Variants in ANKS1B observed in about 807,000 individuals in gnomAD.
The protein encoded by ANKS1B is ankyrin repeat and sterile alpha motif domain containing 1B, also known as ankyrin repeat and sterile alpha motif domain-containing protein 1B.
In ANKS1B, 36 loss-of-function variants were observed where a neutral mutation model predicts 148.3. That is an observed-to-expected ratio of 0.24 (90% confidence interval 0.19 to 0.32). ANKS1B has a LOEUF of 0.32. ANKS1B is among the 10% of genes least tolerant of loss of function. The pLI, the probability that ANKS1B is intolerant of heterozygous loss-of-function variation, is 1.00. For missense variants in ANKS1B, 1,157 were observed against 1,542.6 expected, an observed-to-expected ratio of 0.75 and a Z score of 4.19; for synonymous variants, 542 against 560.8, an observed-to-expected ratio of 0.97 and a Z score of 0.47.
At chr12:99,704,902 T>A (rs1323278569) in intron 8 of ANKS1B, among the ~76,000 whole-genome samples, 1 of 152,032 alleles carries the variant, frequency 6.6e-6, no homozygotes, top group Non-Finnish European at 1.5e-5. Flanking sequence ...GAAATATATT[T>A]GTAAAGGCAT....
chr12:99,118,057 T>G (rs935839573), intron 15 of ANKS1B, among the ~76,000 whole-genome samples: 4 of 152,200 alleles, frequency 2.6e-5, no homozygotes, highest in African/African-American at 9.7e-5. Context: ...CCTTTATCAT[T>G]TATTTAAATA....
At chr12:99,415,466 T>C (rs2094866623) in intron 11 of ANKS1B, among the ~76,000 whole-genome samples, 1 of 152,222 alleles carries the variant, frequency 6.6e-6, no homozygotes, top group Non-Finnish European at 1.5e-5. Context: ...AAGACATTTT[T>C]ACAAATAAAG....
At chr12:99,444,743 G>A (rs2095609677) in intron 10 of ANKS1B, among the ~76,000 whole-genome samples, 1 of 151,910 alleles carries the variant, frequency 6.6e-6, no homozygotes, top group South Asian at 2.1e-4. Flanking sequence ...TTACTTCTCT[G>A]TTGTTTTTAA....
rs145669898 is a variant in ANKS1B, at chr12:99,219,205, C to A, written c.2419+25137G>T. Among the ~76,000 whole-genome samples, 627 of 152,270 alleles carry A rather than the reference C, an allele frequency of 4.1e-3. 4 individuals carry two copies. Among genetic ancestry groups the A allele is most frequent in the African/African-American group, 0.015 (607 of 41,550 alleles). On this transcript the variant is annotated intron_variant, in intron 14 of 26. Coordinates refer to ENST00000683438, the MANE Select transcript of ANKS1B (RefSeq NM_001352186.2). ...TTTCTTCCTGACTATTGGCTCCTAA[C>A]CTCCCTTTTCTTAGAGCATTTACTT...
At chr12:99,498,435 G>T (rs930847000) in intron 10 of ANKS1B, among the ~76,000 whole-genome samples, 17 of 152,078 alleles carry the variant, frequency 1.1e-4, no homozygotes, top group African/African-American at 3.4e-4. Flanking sequence ...ACTGCCCCTT[G>T]CCTGGAGTGC....
chr12:98,906,543 T>A (rs1053934905), intron 17 of ANKS1B, among the ~76,000 whole-genome samples: 2 of 152,184 alleles, frequency 1.3e-5, no homozygotes, highest in African/African-American at 4.8e-5. Flanking sequence ...CCTTGGCATG[T>A]ATATTACAAG....
chr12:99,890,058 T>A (rs1048185696), intron 1 of ANKS1B, among the ~76,000 whole-genome samples: 8 of 151,968 alleles, frequency 5.3e-5, no homozygotes, highest in African/African-American at 1.7e-4. Flanking sequence ...TGAGCTCTTC[T>A]CCCCCAGTCC....
At chr12:99,093,996 T>G (rs2055022342) in intron 15 of ANKS1B, among the ~76,000 whole-genome samples, 1 of 152,230 alleles carries the variant, frequency 6.6e-6, no homozygotes, top group Admixed American at 6.5e-5. Context: ...CTGGCTGCCT[T>G]AGACAGGAGG....
intron 17 of ANKS1B, among the ~76,000 whole-genome samples, chr12:98,918,468 G>A (rs1004064414): frequency 3.9e-5 from 6 of 152,312 alleles, no homozygotes; most frequent in East Asian, 1.9e-4. Context: ...TCTAACCAAC[G>A]TATGCCCCAC....
chr12:99,606,335 AT>A (rs1293299519), intron 9 of ANKS1B, among the ~76,000 whole-genome samples: 1 of 151,902 alleles, frequency 6.6e-6, no homozygotes, highest in Non-Finnish European at 1.5e-5. Context: ...ATTATGAAAC[AT>A]TTTACTTCCT....
At chr12:99,253,227 A>G (rs1466309793) in intron 12 of ANKS1B, among the ~76,000 whole-genome samples, 1 of 145,716 alleles carries the variant, frequency 6.9e-6, no homozygotes, top group African/African-American at 2.5e-5. Context: ...CCTTCTCTAG[A>G]AAAAAAAAAA....
intron 12 of ANKS1B, among the ~76,000 whole-genome samples, chr12:99,294,758 A>G (rs964620254): frequency 1.3e-5 from 2 of 151,852 alleles, no homozygotes; most frequent in African/African-American, 4.8e-5. Flanking sequence ...GGTTCAAGCA[A>G]TTCTCCTGCT....
intron 1 of ANKS1B, among the ~76,000 whole-genome samples, chr12:99,880,919 C>T (rs931737357): frequency 6.6e-6 from 1 of 152,168 alleles, no homozygotes; most frequent in African/African-American, 2.4e-5. Flanking sequence ...CACTAGAACC[C>T]TTAGCCAGAA....
chr12:99,211,432 A>G (rs1435524726), intron 14 of ANKS1B, among the ~76,000 whole-genome samples: 2 of 152,146 alleles, frequency 1.3e-5, no homozygotes, highest in African/African-American at 4.8e-5. Flanking sequence ...CTTTAAAACA[A>G]CCAGTCTGCT....
chr12:99,959,054 CTTT>C (rs149006911), intron 1 of ANKS1B, among the ~76,000 whole-genome samples: 23,015 of 120,854 alleles, frequency 0.19, 1,806 homozygotes, highest in Middle Eastern at 0.31. Flanking sequence ...AAAGAACATG[CTTT>C]TTTTTTTTTT....
chr12:99,330,852 T>A (rs1160183745), intron 12 of ANKS1B, among the ~76,000 whole-genome samples: 3 of 151,954 alleles, frequency 2.0e-5, no homozygotes, highest in Non-Finnish European at 2.9e-5. Flanking sequence ...ATCCCACTGA[T>A]GAAAAATAAA....
At chr12:98,914,554 C>T (rs149114456) in intron 17 of ANKS1B, among the ~76,000 whole-genome samples, 328 of 152,232 alleles carry the variant, frequency 2.2e-3, no homozygotes, top group African/African-American at 7.5e-3. Flanking sequence ...TACCTTCCTT[C>T]CTTATTCCTA....
chr12:99,541,503 T>A (rs563366120), intron 9 of ANKS1B, among the ~76,000 whole-genome samples: 1 of 152,206 alleles, frequency 6.6e-6, no homozygotes, highest in Non-Finnish European at 1.5e-5. Context: ...ACTATATTAA[T>A]AGAATAAAGG....
intron 25 of ANKS1B, among the ~76,000 whole-genome samples, chr12:98,760,518 G>A (rs993572723): frequency 7.2e-5 from 11 of 152,264 alleles, no homozygotes; most frequent in African/African-American, 2.6e-4. Flanking sequence ...GGTTCTGAGG[G>A]TCTCTTCATT....
Sources: gnomAD v4.1 joint callset for allele counts (sites outside exome capture counted in the v4.1 genomes callset) on GRCh38, gnomAD v4.1.1 for gene constraint, MANE v1.5 for transcripts, NCBI Gene and HGNC (gene_info 2026-07-23, HGNC 2026-07-21) for gene names.